The following SLC30A4 variants were observed in gnomAD, a reference collection of about 807,000 sequenced individuals.
SLC30A4 encodes the protein solute carrier family 30 member 4.
In SLC30A4, 20 loss-of-function variants were observed where a neutral mutation model predicts 41.7. The ratio of observed to expected loss-of-function variants is 0.48; its 90% CI spans 0.34 to 0.70. The LOEUF is 0.70. Among genes scored for constraint, SLC30A4 ranks in the 30% least tolerant of loss-of-function variants. The pLI, the probability that SLC30A4 is intolerant of heterozygous loss-of-function variation, is 0.01. For synonymous variants in SLC30A4, 181 were observed against 195.9 expected, an observed-to-expected ratio of 0.92 and a Z score of 0.64; for missense variants, 441 against 529.3, an observed-to-expected ratio of 0.83 and a Z score of 1.64.
Position 45,484,291 on chromosome 15 carries a change from C to G in SLC30A4, c.*872G>C, listed in dbSNP as rs1445076748. On this transcript the variant is annotated 3_prime_UTR_variant, in exon 8 of 8. Transcript: ENST00000261867. ...AAGATTACTGTTTACATTTTGCAGTCTCTTGCTTTTTTAAGACAATTTCAT... is the reference window on the plus strand; with the variant it reads ...AAGATTACTGTTTACATTTTGCAGTGTCTTGCTTTTTTAAGACAATTTCAT... 3 of 152,150 alleles carry G rather than the reference C, an allele frequency of 2.0e-5. No individual in the cohort carries two copies. The highest frequency in any genetic ancestry group is 4.4e-5 in the Non-Finnish European group (3 of 68,020). 9.4% of individuals were successfully genotyped at this position (152,150 alleles called of 1,614,324 possible).
chr15:45,506,541 A>T (rs1892159517), intron 3 of SLC30A4, among the ~76,000 whole-genome samples: 1 of 152,204 alleles, frequency 6.6e-6, no homozygotes, highest in Non-Finnish European at 1.5e-5. Flanking sequence ...AGGGACACCA[A>T]CTGCTTTGGT....
intron 3 of SLC30A4, among the ~76,000 whole-genome samples, chr15:45,497,656 T>TG (rs1891934482): frequency 6.6e-6 from 1 of 152,120 alleles, no homozygotes; most frequent in South Asian, 2.1e-4. Flanking sequence ...ACATAGATGA[T>TG]TATCAAGTTT....
rs1018832746 is a variant in SLC30A4, at chr15:45,484,771, A to C, written c.*392T>G. On this transcript the variant is annotated 3_prime_UTR_variant, in exon 8 of 8. Transcript: ENST00000261867. The stretch of plus-strand genomic sequence containing the variant: ...CGAGATTATTATACATAATAAAAAA[A>C]ATTCAGTTTTCCAGCACTGGCTTAA... 6 of 158,100 alleles carry C rather than the reference A, an allele frequency of 3.8e-5. No individual in the cohort carries two copies. Among genetic ancestry groups the C allele is most frequent in the African/African-American group, 1.4e-4 (6 of 41,648 alleles). 9.8% of individuals were successfully genotyped at this position (158,100 alleles called of 1,614,324 possible). A position where few individuals can be genotyped will look rare whatever the true frequency, so the allele number is the denominator to read the frequency against.
At chr15:45,493,593 C>T (rs1450016756) in intron 3 of SLC30A4, among the ~76,000 whole-genome samples, 5 of 152,040 alleles carry the variant, frequency 3.3e-5, no homozygotes, top group Admixed American at 2.6e-4. Flanking sequence ...TTTGGGAGGC[C>T]GAGGCGGGCG....
At chr15:45,486,568 A>C (rs1891709802) in intron 7 of SLC30A4, 43 bp downstream of exon 7, 1 of 1,515,364 alleles carries the variant, frequency 6.6e-7, no homozygotes, top group Non-Finnish European at 8.8e-7. Flanking sequence ...TCAAAGGCAG[A>C]AGTCCACCAA....
chr15:45,493,367 T>C (rs1207843632), intron 3 of SLC30A4, among the ~76,000 whole-genome samples: 1 of 152,222 alleles, frequency 6.6e-6, no homozygotes, highest in Non-Finnish European at 1.5e-5. Context: ...TAAGTGTTAA[T>C]AGGTAAAATA....
At chr15:45,512,991 T>C (rs963355640) in intron 2 of SLC30A4, among the ~76,000 whole-genome samples, 5 of 149,678 alleles carry the variant, frequency 3.3e-5, no homozygotes, top group African/African-American at 5.0e-5. Flanking sequence ...GAGTGAGACA[T>C]TGACTAAAAA....
In SLC30A4 at chr15:45,485,315, G is replaced by A; in HGVS notation, c.1138C>T (p.Pro380Ser). 1 of 1,601,754 alleles carries A rather than the reference G, an allele frequency of 6.2e-7. No individual in the cohort carries two copies. Among genetic ancestry groups the A allele is most frequent in the Non-Finnish European group, 8.5e-7 (1 of 1,172,512 alleles). Residue 380 changes from proline (P) to serine (S), a missense_variant and splice_region_variant, in exon 8 of 8, where the codon CCT becomes TCT. Coordinates refer to ENST00000261867, the MANE Select transcript of SLC30A4 (RefSeq NM_013309.6). ...TCCTCCCATTTAGATGAACTTCCAGGAACTGCAATGTCAAGAAAATATCAT... is the reference window on the plus strand; with the variant it reads ...TCCTCCCATTTAGATGAACTTCCAGAAACTGCAATGTCAAGAAAATATCAT... ...STAIVHIQLI[P>S]GSSSKWEEVQ...
intron 3 of SLC30A4, among the ~76,000 whole-genome samples, chr15:45,501,123 T>C (rs1366220743): frequency 1.3e-5 from 2 of 150,160 alleles, no homozygotes; most frequent in African/African-American, 2.4e-5. Context: ...CTGGCTAACA[T>C]GGTGAAACCC....
chr15:45,489,169 T>C (rs1891762539), intron 4 of SLC30A4, 127 bp from the exon 5 acceptor site: 2 of 710,250 alleles, frequency 2.8e-6, no homozygotes, highest in Admixed American at 5.6e-5. Flanking sequence ...CTATTATTTA[T>C]CAGTACTGTT....
chr15:45,492,212 CAAA>C (rs1163243140), intron 3 of SLC30A4, among the ~76,000 whole-genome samples: 19 of 68,024 alleles, frequency 2.8e-4, no homozygotes, highest in African/African-American at 6.7e-4. Context: ...CTGTAGCATC[CAAA>C]AAAAAAAAAA....
intron 3 of SLC30A4, among the ~76,000 whole-genome samples, chr15:45,494,172 A>G (rs1449409773): frequency 6.6e-6 from 1 of 152,172 alleles, no homozygotes; most frequent in Non-Finnish European, 1.5e-5. Context: ...TTTATGGATG[A>G]TTTTTTAGAA....
At chr15:45,491,606 C>T (rs1180931872) in intron 3 of SLC30A4, among the ~76,000 whole-genome samples, 6 of 152,140 alleles carry the variant, frequency 3.9e-5, no homozygotes, top group African/African-American at 1.4e-4. Context: ...AATGTGCCAA[C>T]GTTGTAACAA....
At chr15:45,493,117 C>G (rs539672108) in intron 3 of SLC30A4, among the ~76,000 whole-genome samples, 5 of 152,018 alleles carry the variant, frequency 3.3e-5, no homozygotes, top group Non-Finnish European at 4.4e-5. Context: ...ACTAAAAATA[C>G]AAAAATTAGC....
At chr15:45,498,329 A>G (rs1161660499) in intron 3 of SLC30A4, among the ~76,000 whole-genome samples, 1 of 152,166 alleles carries the variant, frequency 6.6e-6, no homozygotes, top group African/African-American at 2.4e-5. Flanking sequence ...AAACTAGTAC[A>G]CGTTGAGCAC....
chr15:45,488,795 T>C (rs373149251), intron 5 of SLC30A4, 46 bp downstream of exon 5: 1 of 1,497,736 alleles, frequency 6.7e-7, no homozygotes, highest in African/African-American at 1.4e-5. Context: ...GTTTTCATGT[T>C]GAAATTAAGT....
chr15:45,496,479 TAA>T (rs1163584849), intron 3 of SLC30A4, among the ~76,000 whole-genome samples: 1 of 152,190 alleles, frequency 6.6e-6, no homozygotes, highest in Admixed American at 6.5e-5. Context: ...TTCATTTTCT[TAA>T]AAGAGACTCA....
intron 3 of SLC30A4, among the ~76,000 whole-genome samples, chr15:45,496,830 T>C (rs1466887613): frequency 1.5e-5 from 2 of 136,674 alleles, no homozygotes; most frequent in Non-Finnish European, 3.2e-5. Flanking sequence ...ATCCCATCTC[T>C]GAAAATATAA....
intron 2 of SLC30A4, among the ~76,000 whole-genome samples, chr15:45,517,271 C>T (rs1892509225): frequency 1.3e-5 from 2 of 151,140 alleles, no homozygotes; most frequent in Admixed American, 1.3e-4. Context: ...ATACACTCAT[C>T]TCTCTCTACC....
Sources: gnomAD v4.1 joint callset for allele counts (sites outside exome capture counted in the v4.1 genomes callset) on GRCh38, gnomAD v4.1.1 for gene constraint, MANE v1.5 for transcripts, NCBI Gene and HGNC (gene_info 2026-07-23, HGNC 2026-07-21) for gene names.